Variants in LMF1 observed in about 807,000 individuals in gnomAD.
LMF1 encodes the protein lipase maturation factor 1.
In LMF1, 68 loss-of-function variants were observed where a neutral mutation model predicts 60.6. The ratio of observed to expected loss-of-function variants is 1.12; its 90% CI spans 0.92 to 1.37. LMF1 has a LOEUF of 1.37. LMF1 is among the 40% of genes most tolerant of loss of function. The pLI is 0.00. For missense variants in LMF1, 948 were observed against 767.2 expected (o/e 1.24, Z -2.78); for synonymous variants, 418 against 324.7 (o/e 1.29, Z -3.09).
chr16:879,730 G>C lies in LMF1; in HGVS notation c.737C>G (p.Pro246Arg), dbSNP rs1307363051. The C allele has an allele frequency of 1.3e-6, 2 of 1,585,444 alleles. No homozygotes were observed. Among genetic ancestry groups the C allele is most frequent in the Admixed American group, 3.6e-5 (2 of 55,110 alleles). Residue 246 changes from proline (P) to arginine (R), a missense_variant, in exon 6 of 11, where the codon CCG becomes CGG. By Grantham distance (103) the Pro-to-Arg change is moderately radical. Transcript: ENST00000262301. ...GTAGTACGCCACAGGATTGGGCATC[G>C]GCTGGGTCTGCAGGGACAGGAGGGG... The part of the protein sequence containing the change: ...TCMDFHYETQ[P>R]MPNPVAYYLH...
rs1349599950 is a variant in LMF1, at chr16:870,970, G to A, written c.1079-88C>T. On this transcript the variant is annotated intron_variant, in intron 7 of 10. Coordinates refer to ENST00000262301, the MANE Select transcript of LMF1 (RefSeq NM_022773.4). ...AGACCCCAGCTGCTGCTCCCTAAGG[G>A]TCAGCTGTCCTGGGTCCCGGGGACG... is the stretch of plus-strand genomic sequence containing the variant. 2.7e-6 allele frequency: 4 copies of A among 1,482,570 alleles called. No homozygotes were observed. The African/African-American group carries it at 4.2e-5, about 15-fold the overall frequency. 91.8% of individuals were successfully genotyped at this position (1,482,570 alleles called of 1,614,324 possible).
rs2069704487 is a variant in LMF1, at chr16:869,252, C to T, written c.1417-196G>A. ...TTCGTGTAGCCCTGACCACTCATTC[C>T]CATGTCGGCCGCTGGCTTCGCTCCC... On this transcript the variant is annotated intron_variant, in intron 9 of 10. Transcript: ENST00000262301. 6.0e-6 allele frequency: 4 copies of T among 666,634 alleles called. 1 individual carries two copies. The highest frequency in any genetic ancestry group is 3.2e-5 in the South Asian group (2 of 61,746). 41.3% of individuals were successfully genotyped at this position (666,634 alleles called of 1,614,324 possible).
chr16:917,442 C>T (rs903175328), intron 3 of LMF1, among the ~76,000 whole-genome samples: 2 of 144,774 alleles, frequency 1.4e-5, no homozygotes, highest in East Asian at 2.1e-4. Flanking sequence ...TGCGGGCGGG[C>T]GCAGGCCCAC....
chr16:909,446 G>GC (rs2071050158), intron 4 of LMF1, among the ~76,000 whole-genome samples: 1 of 151,954 alleles, frequency 6.6e-6, no homozygotes, highest in Non-Finnish European at 1.5e-5. Context: ...ACAGAACCAC[G>GC]CTATGCGCTA....
At chr16:980,085 C>T in intron 1 of LMF1, 1 of 294,742 alleles carries the variant, frequency 3.4e-6, no homozygotes, top group Admixed American at 4.4e-5. Context: ...GTGGAGCCTC[C>T]CAACTCGCGC....
intron 3 of LMF1, chr16:933,154 G>A (rs751955396): frequency 1.3e-5 from 2 of 152,196 alleles, no homozygotes; most frequent in Non-Finnish European, 2.9e-5. Context: ...ACGCCCTGAC[G>A]GTGCACCCCG....
intron 5 of LMF1, among the ~76,000 whole-genome samples, chr16:885,823 G>T (rs553844399): frequency 6.6e-6 from 1 of 152,194 alleles, no homozygotes; most frequent in South Asian, 2.1e-4. Context: ...AAAACAGGCA[G>T]AAAATGAGGA....
At chr16:890,065 C>T (rs498470) in intron 5 of LMF1, among the ~76,000 whole-genome samples, 2,130 of 152,284 alleles carry the variant, frequency 0.014, 33 homozygotes, top group South Asian at 0.022. Context: ...GCCCCCTGTA[C>T]CTAGGACCCC....
chr16:887,486 C>G (rs28565120), intron 5 of LMF1, among the ~76,000 whole-genome samples: 43,198 of 152,024 alleles, frequency 0.28, 8,391 homozygotes, highest in African/African-American at 0.54. Flanking sequence ...TCGGCGGGCA[C>G]GGGGGCGTGA....
chr16:977,694 G>A (rs531042300), intron 1 of LMF1, among the ~76,000 whole-genome samples: 4 of 111,664 alleles, frequency 3.6e-5, no homozygotes, highest in East Asian at 4.3e-4. Flanking sequence ...GGAGGGGGAC[G>A]GGGAGGACGG....
At chr16:939,695 G>A (rs374263672) in intron 2 of LMF1, among the ~76,000 whole-genome samples, 2 of 152,268 alleles carry the variant, frequency 1.3e-5, no homozygotes, top group African/African-American at 4.8e-5. Flanking sequence ...CAACGTCGGC[G>A]AGATGGGAAG....
chr16:881,955 C>G (rs536307419), intron 5 of LMF1, among the ~76,000 whole-genome samples: 1 of 152,268 alleles, frequency 6.6e-6, no homozygotes, highest in African/African-American at 2.4e-5. Context: ...AGGTGAGGGT[C>G]TTGGGATGAA....
chr16:964,278 A>C (rs901014020), intron 1 of LMF1, among the ~76,000 whole-genome samples: 3 of 151,548 alleles, frequency 2.0e-5, no homozygotes, highest in Non-Finnish European at 4.4e-5. Flanking sequence ...CCTGGGCGAA[A>C]AAGTGAAACT....
At position 954,503 on chromosome 16, in the gene LMF1, C is replaced by CCAGT; in HGVS notation, c.353_356dup (p.Trp119Ter). On this transcript the variant is annotated stop_gained and frameshift_variant, in exon 2 of 11. Transcript: ENST00000262301. LOFTEE classifies it high-confidence loss of function. Reference sequence around the variant, plus strand: ...AGTCCAGGTTGGAGTTCATGTCTGACCAGTCCATCAGCCAGAGGATGGTGG... The same window carrying CCAGT: ...AGTCCAGGTTGGAGTTCATGTCTGACCAGTCAGTCCATCAGCCAGAGGATGGTGG... 6.2e-7 allele frequency: 1 copy of CCAGT among 1,612,906 alleles called. No individual in the cohort carries two copies. Among genetic ancestry groups the CCAGT allele is most frequent in the Non-Finnish European group, 8.5e-7 (1 of 1,179,570 alleles).
chr16:855,811 CATT>C (rs1567129124), intron 10 of LMF1: 1 of 455,666 alleles, frequency 2.2e-6, no homozygotes, highest in Non-Finnish European at 4.4e-6. Context: ...GGGCTGCTGT[CATT>C]ATTTGGGGCT....
At chr16:861,299 T>C (rs2069456982) in intron 10 of LMF1, among the ~76,000 whole-genome samples, 1 of 152,070 alleles carries the variant, frequency 6.6e-6, no homozygotes, top group Non-Finnish European at 1.5e-5. Flanking sequence ...TATTGAATCA[T>C]TTAGGTTGAT....
intron 1 of LMF1, among the ~76,000 whole-genome samples, chr16:968,045 G>A (rs1409518489): frequency 6.6e-6 from 1 of 152,220 alleles, no homozygotes; most frequent in Non-Finnish European, 1.5e-5. Flanking sequence ...AGCAGGGCAT[G>A]CCCGACACCC....
At chr16:883,111 C>T (rs1430666867) in intron 5 of LMF1, among the ~76,000 whole-genome samples, 1 of 146,262 alleles carries the variant, frequency 6.8e-6, no homozygotes, top group African/African-American at 2.6e-5. Flanking sequence ...GAGGAGCCAC[C>T]CAGCGGAGCC....
intron 2 of LMF1, among the ~76,000 whole-genome samples, chr16:949,198 C>CAG (rs2072358091): frequency 7.4e-6 from 1 of 134,334 alleles, no homozygotes; most frequent in Non-Finnish European, 1.6e-5. Context: ...CAGCCAATGA[C>CAG]AGTCAGCCAA....
Sources: gnomAD v4.1 joint callset for allele counts (sites outside exome capture counted in the v4.1 genomes callset) on GRCh38, gnomAD v4.1.1 for gene constraint, MANE v1.5 for transcripts, NCBI Gene and HGNC (gene_info 2026-07-23, HGNC 2026-07-21) for gene names.